MYO18B: variants seen among roughly 807,000 people sequenced by gnomAD.
The protein encoded by MYO18B is myosin XVIIIB, also known as unconventional myosin-XVIIIb.
MYO18B carries 204 observed loss-of-function variants against 273.0 expected under a neutral mutation model. That is an observed-to-expected ratio of 0.75 (90% CI 0.67 to 0.84). MYO18B has a LOEUF of 0.84. MYO18B is among the 40% of genes least tolerant of loss of function. The pLI is 0.00. For missense variants in MYO18B, 3,212 were observed against 3,287.6 expected, an observed-to-expected ratio of 0.98 and a Z score of 0.56; for synonymous variants, 1,330 against 1,305.7, an observed-to-expected ratio of 1.02 and a Z score of -0.40.
chr22:25,950,764 G>C lies in MYO18B; in HGVS notation c.5832+314G>C, dbSNP rs2092783919. ...TTTTTGTTTTTTAAGTAGAGACGGG[G>C]TTCTACCATGTTGGTTAGGCTGGTC... On this transcript the variant is annotated intron_variant, in intron 37 of 43. Coordinates refer to ENST00000335473, the MANE Select transcript of MYO18B (RefSeq NM_032608.7). 2.6e-5 allele frequency among the ~76,000 whole-genome samples: 4 copies of C among 152,014 alleles called. No individual in the cohort carries two copies. In the South Asian group the frequency reaches 8.3e-4, roughly 32 times the overall value.
rs559510302 is a variant in MYO18B, at chr22:25,811,029, T to G, written c.2522-12476T>G. Among the ~76,000 whole-genome samples, 5 of 152,170 alleles carry G rather than the reference T, an allele frequency of 3.3e-5. No individual in the cohort carries two copies. The East Asian group carries it at 7.7e-4, about 24-fold the overall frequency. ...TTTTCTTAAACTTTTTTTTTTCTTTTGTGAGACTGAGTCTCGCTGTGTTGC... is the reference window on the plus strand; with the variant it reads ...TTTTCTTAAACTTTTTTTTTTCTTTGGTGAGACTGAGTCTCGCTGTGTTGC... On this transcript the variant is annotated intron_variant, in intron 12 of 43. Transcript: ENST00000335473.
At chr22:25,932,726 T>C (rs896679748) in intron 34 of MYO18B, among the ~76,000 whole-genome samples, 3 of 152,080 alleles carry the variant, frequency 2.0e-5, no homozygotes, top group Non-Finnish European at 2.9e-5. Flanking sequence ...TATTTTCTAA[T>C]CCAGGAGTTG....
intron 34 of MYO18B, among the ~76,000 whole-genome samples, chr22:25,939,041 G>A (rs1454049131): frequency 6.6e-6 from 1 of 152,102 alleles, no homozygotes; most frequent in East Asian, 1.9e-4. Context: ...TCTGGAACTC[G>A]TGGCCTCAAG....
At chr22:25,922,219 T>C (rs1439589859) in intron 34 of MYO18B, among the ~76,000 whole-genome samples, 4 of 152,062 alleles carry the variant, frequency 2.6e-5, no homozygotes, top group African/African-American at 9.7e-5. Context: ...TGAACCCAGG[T>C]CTTCAGGCTC....
At chr22:25,855,474 G>A (rs768393391) in intron 21 of MYO18B, among the ~76,000 whole-genome samples, 16 of 151,968 alleles carry the variant, frequency 1.1e-4, no homozygotes, top group South Asian at 2.1e-4. Context: ...TAGTAGAGAC[G>A]GGGTTTCACC....
chr22:25,985,543 T>C (rs1158496321), intron 39 of MYO18B, among the ~76,000 whole-genome samples: 1 of 152,184 alleles, frequency 6.6e-6, no homozygotes, highest in Non-Finnish European at 1.5e-5. Flanking sequence ...TTTCCCAAAG[T>C]GGAGCTTAAC....
chr22:25,917,480 C>T lies in MYO18B; in HGVS notation c.5365-3777C>T, dbSNP rs973956878. On this transcript the variant is annotated intron_variant, in intron 33 of 43. Coordinates refer to ENST00000335473, the MANE Select transcript of MYO18B (RefSeq NM_032608.7). ...GAATAAGTTTTGCCTTATTTTATTTCGCTTGATTTATTTTAGTCAGTTTAC... is the reference window on the plus strand; with the variant it reads ...GAATAAGTTTTGCCTTATTTTATTTTGCTTGATTTATTTTAGTCAGTTTAC... Among the ~76,000 whole-genome samples the T allele has an allele frequency of 6.0e-5, 9 of 150,238 alleles. No individual in the cohort carries two copies. In the East Asian group the frequency reaches 9.7e-4, roughly 16 times the overall value.
At chr22:25,840,165 C>T (rs971296691) in intron 17 of MYO18B, among the ~76,000 whole-genome samples, 7 of 152,210 alleles carry the variant, frequency 4.6e-5, no homozygotes, top group Non-Finnish European at 8.8e-5. Context: ...CCTGGGCGCT[C>T]CCCGAGGACA....
intron 42 of MYO18B, among the ~76,000 whole-genome samples, chr22:26,012,447 A>G (rs113148863): frequency 6.6e-6 from 1 of 152,252 alleles, no homozygotes; most frequent in Non-Finnish European, 1.5e-5. Flanking sequence ...TCTTCCTAGG[A>G]CATAAGGAGT....
chr22:25,747,454 C>T (rs1345143239), intron 1 of MYO18B, among the ~76,000 whole-genome samples: 2 of 152,230 alleles, frequency 1.3e-5, no homozygotes, highest in Non-Finnish European at 2.9e-5. Flanking sequence ...ATTGGCCATC[C>T]TGGCACTCAG....
intron 39 of MYO18B, among the ~76,000 whole-genome samples, chr22:25,975,384 C>T (rs77718427): frequency 0.016 from 2,416 of 152,228 alleles, 85 homozygotes; most frequent in African/African-American, 0.056. Context: ...CCCCGGCATC[C>T]TAATATCATA....
intron 42 of MYO18B, among the ~76,000 whole-genome samples, chr22:26,011,055 T>C (rs1350659086): frequency 6.6e-6 from 1 of 150,840 alleles, no homozygotes; most frequent in African/African-American, 2.4e-5. Context: ...TTGTTTCCTG[T>C]AGCTGGGAAA....
intron 39 of MYO18B, among the ~76,000 whole-genome samples, chr22:25,975,648 C>T (rs4822676): frequency 0.1 from 15,706 of 152,166 alleles, 1,223 homozygotes; most frequent in Admixed American, 0.23. Context: ...TATGTGATCA[C>T]TCCAAAACAT....
At chr22:25,844,594 C>G (rs923435061) in intron 18 of MYO18B, among the ~76,000 whole-genome samples, 1 of 152,222 alleles carries the variant, frequency 6.6e-6, no homozygotes, top group Admixed American at 6.5e-5. Context: ...TCCTTAGTCC[C>G]ATTTTACACA....
intron 4 of MYO18B, 143 bp from the exon 5 acceptor site, chr22:25,769,963 TTAAA>T: frequency 1.2e-6 from 1 of 807,224 alleles, no homozygotes. Flanking sequence ...GAATCTGCAT[TTAAA>T]TAAGCACACT....
At chr22:26,023,048 A>C in intron 42 of MYO18B, among the ~76,000 whole-genome samples, 1 of 152,162 alleles carries the variant, frequency 6.6e-6, no homozygotes. Context: ...GCAGATCCTT[A>C]GTTGCCGGCC....
At chr22:26,020,905 A>G (rs1256689584) in intron 42 of MYO18B, among the ~76,000 whole-genome samples, 2 of 152,188 alleles carry the variant, frequency 1.3e-5, no homozygotes, top group African/African-American at 4.8e-5. Flanking sequence ...CCTGACCAAC[A>G]TGGTGAAACC....
chr22:25,909,884 C>T (rs111380715), intron 32 of MYO18B, among the ~76,000 whole-genome samples: 13 of 152,264 alleles, frequency 8.5e-5, no homozygotes, highest in African/African-American at 3.1e-4. Flanking sequence ...AGGACACTAA[C>T]TCCTCTAAAC....
intron 28 of MYO18B, 155 bp from the exon 29 acceptor site, chr22:25,898,152 G>A (rs1378311271): frequency 1.4e-5 from 10 of 726,608 alleles, no homozygotes; most frequent in African/African-American, 1.8e-5. Flanking sequence ...TCCTGGAGGT[G>A]ACCCTGGAGG....
Sources: allele counts gnomAD v4.1 joint callset (sites outside exome capture counted in the v4.1 genomes callset), GRCh38; gene constraint gnomAD v4.1.1; transcripts MANE v1.5; gene names NCBI Gene and HGNC (gene_info 2026-07-23, HGNC 2026-07-21).